The following SPAST variants were observed in gnomAD, a reference collection of about 807,000 sequenced individuals.
SPAST encodes the protein spastin.
A neutral mutation model predicts 76.6 loss-of-function variants in SPAST; 30 were observed. The ratio of observed to expected loss-of-function variants is 0.39; its 90% CI spans 0.29 to 0.53. The LOEUF (loss-of-function observed/expected upper bound fraction) is 0.53, where lower values mean the gene tolerates loss of function less well. SPAST is among the 20% of genes least tolerant of loss of function. The probability of loss-of-function intolerance (pLI) is 0.68; values close to 1 mark genes in which losing one functional copy is unlikely to be tolerated. For missense variants in SPAST, 717 were observed against 770.5 expected (o/e 0.93, Z 0.82); for synonymous variants, 305 against 281.0 (o/e 1.09, Z -0.86).
At chr2:32,071,756 G>A (rs1426234472) in intron 1 of SPAST, among the ~76,000 whole-genome samples, 2 of 152,160 alleles carry the variant, frequency 1.3e-5, no homozygotes, top group Admixed American at 6.6e-5. Context: ...TCCATAGAAG[G>A]GAGTGTCTGG....
intron 12 of SPAST, among the ~76,000 whole-genome samples, chr2:32,138,936 G>A (rs1679628211): frequency 6.6e-6 from 1 of 152,054 alleles, no homozygotes; most frequent in South Asian, 2.1e-4. Flanking sequence ...CTCATTGCTT[G>A]TTTTTGTCAG....
chr2:32,075,412 CG>C (rs573594400), intron 1 of SPAST, among the ~76,000 whole-genome samples: 223 of 108,104 alleles, frequency 2.1e-3, no homozygotes, highest in African/African-American at 8.0e-3. Flanking sequence ...GGCCACAGAG[CG>C]AGACTCTGTC....
At chr2:32,093,831 A>G (rs1446532383) in intron 3 of SPAST, among the ~76,000 whole-genome samples, 1 of 152,148 alleles carries the variant, frequency 6.6e-6, no homozygotes, top group Admixed American at 6.5e-5. Context: ...ATATATATAT[A>G]TATAACAGCC....
At chr2:32,128,648 T>C in intron 9 of SPAST, 169 bp downstream of exon 9, 1 of 631,666 alleles carries the variant, frequency 1.6e-6, no homozygotes, top group Non-Finnish European at 2.8e-6. Context: ...GTTATGTACA[T>C]TTGTGTTGTC....
At chr2:32,143,685 G>A (rs1169049119) in intron 14 of SPAST, among the ~76,000 whole-genome samples, 1 of 151,934 alleles carries the variant, frequency 6.6e-6, no homozygotes, top group African/African-American at 2.4e-5. Flanking sequence ...ACCTGTAAGT[G>A]GTATTAAAGT....
intron 4 of SPAST, among the ~76,000 whole-genome samples, chr2:32,103,232 A>G (rs1678194124): frequency 6.6e-6 from 1 of 152,160 alleles, no homozygotes; most frequent in Non-Finnish European, 1.5e-5. Context: ...CATTTCTTCT[A>G]GATTTTCTAG....
chr2:32,077,203 C>G (rs1558615717), intron 1 of SPAST, among the ~76,000 whole-genome samples: 1 of 152,108 alleles, frequency 6.6e-6, no homozygotes, highest in Non-Finnish European at 1.5e-5. Flanking sequence ...ATCTATTACT[C>G]TGCTAATTTT....
At chr2:32,074,958 A>G (rs990916396) in intron 1 of SPAST, among the ~76,000 whole-genome samples, 4 of 152,212 alleles carry the variant, frequency 2.6e-5, no homozygotes, top group African/African-American at 9.7e-5. Flanking sequence ...GTGCTTGCAC[A>G]TAATAGGTAC....
intron 1 of SPAST, among the ~76,000 whole-genome samples, chr2:32,066,819 C>G (rs1032688490): frequency 3.3e-5 from 5 of 151,818 alleles, no homozygotes; most frequent in African/African-American, 1.2e-4. Context: ...GTGAAAAATA[C>G]AAAGATTAGC....
chr2:32,086,848 A>C (rs571440687), intron 1 of SPAST, among the ~76,000 whole-genome samples: 22 of 152,346 alleles, frequency 1.4e-4, no homozygotes, highest in African/African-American at 5.3e-4. Flanking sequence ...TAATTTTCAA[A>C]TATGTGATTT....
chr2:32,102,987 A>G lies in SPAST; in HGVS notation c.682+4096A>G, dbSNP rs1291077675. 4.6e-5 allele frequency among the ~76,000 whole-genome samples: 7 copies of G among 152,184 alleles called. No individual in the cohort carries two copies. In the East Asian group the frequency reaches 1.3e-3, roughly 29 times the overall value. On this transcript the variant is annotated intron_variant, in intron 4 of 16. Transcript: ENST00000315285. ...AGGATGATGCTGGCCTCATAAAATGAGTTAGGGAGGATTCCCTCTTTTTCT... is the reference window on the plus strand; with the variant it reads ...AGGATGATGCTGGCCTCATAAAATGGGTTAGGGAGGATTCCCTCTTTTTCT...
chr2:32,110,734 C>T (rs1417911692), intron 4 of SPAST, among the ~76,000 whole-genome samples: 12 of 122,364 alleles, frequency 9.8e-5, no homozygotes, highest in African/African-American at 3.9e-4. Context: ...ACATATAGTA[C>T]ACTGTATAGT....
intron 12 of SPAST, 52 bp downstream of exon 12, chr2:32,137,240 C>A: frequency 2.4e-6 from 3 of 1,272,188 alleles, no homozygotes; most frequent in South Asian, 2.4e-5. Flanking sequence ...AATATTTACT[C>A]ATGTGTCCAT....
chr2:32,136,785 C>T, intron 10 of SPAST, 92 bp from the exon 11 acceptor site: 2 of 1,208,044 alleles, frequency 1.7e-6, no homozygotes, highest in South Asian at 2.5e-5. Context: ...TTAGTAGGAC[C>T]CACTATATTA....
In SPAST at chr2:32,114,679, A is replaced by G. The variant is rs1342607464; in HGVS notation, c.724A>G (p.Thr242Ala). ...AAAAAGAAAAGACCCCTTAACACAC[A>G]CTAGTAATTCACTGCCTCGTTCAAA... ...VPKRKDPLTH[T>A]SNSLPRSKTV... Residue 242 changes from threonine (T) to alanine (A), a missense_variant, in exon 5 of 17, where the codon ACT becomes GCT. Coordinates refer to ENST00000315285, the MANE Select transcript of SPAST (RefSeq NM_014946.4). 3 of 1,614,152 alleles carry G rather than the reference A, an allele frequency of 1.9e-6. No homozygotes were observed. The highest frequency in any genetic ancestry group is 2.7e-5 in the African/African-American group (2 of 75,040).
intron 1 of SPAST, among the ~76,000 whole-genome samples, chr2:32,064,937 C>A (rs115986105): frequency 6.6e-6 from 1 of 152,112 alleles, no homozygotes; most frequent in Non-Finnish European, 1.5e-5. Flanking sequence ...CTTAAACATA[C>A]CACTTTACAG....
chr2:32,099,253 C>T (rs1573088682), intron 4 of SPAST, among the ~76,000 whole-genome samples: 1 of 152,046 alleles, frequency 6.6e-6, no homozygotes, highest in East Asian at 1.9e-4. Context: ...TTCTAAGACA[C>T]ATTTTAATTT....
At chr2:32,071,527 C>A (rs768802654) in intron 1 of SPAST, among the ~76,000 whole-genome samples, 8 of 152,102 alleles carry the variant, frequency 5.3e-5, no homozygotes, top group Non-Finnish European at 1.2e-4. Flanking sequence ...TGACACAGCC[C>A]CAGTAGATAC....
In SPAST at chr2:32,156,907, T is replaced by C. The variant is rs1037937567; in HGVS notation, c.*2411T>C. Reference sequence around the variant, plus strand: ...TTCCTGATCAAGTCTGAACTTCAGCTAGTGCTAGAGAACTATTTTCTATGA... The same window carrying C: ...TTCCTGATCAAGTCTGAACTTCAGCCAGTGCTAGAGAACTATTTTCTATGA... On this transcript the variant is annotated 3_prime_UTR_variant, in exon 17 of 17. Transcript: ENST00000315285. 6.6e-6 allele frequency: 1 copy of C among 152,220 alleles called. No individual in the cohort carries two copies. The highest frequency in any genetic ancestry group is 2.4e-5 in the African/African-American group (1 of 41,476). The allele number at this position is 152,220 out of a possible 1,614,324, so 9.4% of individuals were successfully genotyped here.
Sources: gnomAD v4.1 joint callset for allele counts (sites outside exome capture counted in the v4.1 genomes callset) on GRCh38, gnomAD v4.1.1 for gene constraint, MANE v1.5 for transcripts, NCBI Gene and HGNC (gene_info 2026-07-23, HGNC 2026-07-21) for gene names.